PARVA: variants seen among roughly 807,000 people sequenced by gnomAD.
PARVA encodes the protein parvin alpha.
A neutral mutation model predicts 52.6 loss-of-function variants in PARVA; 25 were observed. The ratio of observed to expected loss-of-function variants is 0.48; its 90% CI spans 0.35 to 0.66. The LOEUF (loss-of-function observed/expected upper bound fraction) is 0.66. Among genes scored for constraint, PARVA ranks in the 30% least tolerant of loss-of-function variants. PARVA has a pLI of 0.01. For synonymous variants in PARVA, 185 were observed against 179.1 expected (o/e 1.03, Z -0.26); for missense variants, 373 against 450.9 (o/e 0.83, Z 1.56).
chr11:12,504,963 G>A (rs1053745867), intron 6 of PARVA, among the ~76,000 whole-genome samples: 8 of 152,140 alleles, frequency 5.3e-5, no homozygotes, highest in Admixed American at 2.0e-4. Flanking sequence ...TGTCTGTAGT[G>A]AAGGTACTGC....
chr11:12,467,936 A>G (rs942445426), intron 1 of PARVA, among the ~76,000 whole-genome samples: 20 of 152,048 alleles, frequency 1.3e-4, no homozygotes, highest in African/African-American at 4.1e-4. Flanking sequence ...CCCTGTGCAC[A>G]TTTATATTCC....
intron 1 of PARVA, among the ~76,000 whole-genome samples, chr11:12,459,188 G>A (rs1239255500): frequency 6.6e-6 from 1 of 151,738 alleles, no homozygotes; most frequent in Non-Finnish European, 1.5e-5. Context: ...GCATTTTTGG[G>A]CCCAGGGGTT....
At chr11:12,490,044 G>A (rs554186008) in intron 4 of PARVA, among the ~76,000 whole-genome samples, 65 of 151,770 alleles carry the variant, frequency 4.3e-4, no homozygotes, top group South Asian at 3.6e-3. Context: ...GTGAAACCCC[G>A]TCTCTATGAA....
intron 3 of PARVA, among the ~76,000 whole-genome samples, 177 bp from the exon 4 acceptor site, chr11:12,477,670 C>T (rs1941033386): frequency 6.6e-6 from 1 of 152,160 alleles, no homozygotes; most frequent in African/African-American, 2.4e-5. Flanking sequence ...ATCACTTGAG[C>T]CCAGGAGTTT....
At chr11:12,393,076 A>G (rs1939685371) in intron 1 of PARVA, among the ~76,000 whole-genome samples, 1 of 151,804 alleles carries the variant, frequency 6.6e-6, no homozygotes, top group Non-Finnish European at 1.5e-5. Flanking sequence ...AAGAAAGAAA[A>G]AAAATACCAG....
rs140264458 is a variant in PARVA, at chr11:12,523,803, G to A, written c.1043-4046G>A. On this transcript the variant is annotated intron_variant, in intron 12 of 12. Coordinates refer to ENST00000334956, the MANE Select transcript of PARVA (RefSeq NM_018222.5). Reference sequence around the variant, plus strand: ...CTGGGCCAGCACACAGAGGCTATCAGAACTGAACTGAGTTGCTAATCACAC... The same window carrying A: ...CTGGGCCAGCACACAGAGGCTATCAAAACTGAACTGAGTTGCTAATCACAC... Among the ~76,000 whole-genome samples the A allele has an allele frequency of 9.5e-4, 144 of 152,310 alleles. 3 individuals carry two copies. The East Asian group carries it at 0.025, about 27-fold the overall frequency.
At position 12,530,303 on chromosome 11, in the gene PARVA, A is replaced by C. The variant is rs932051925; in HGVS notation, c.*2378A>C. 1.1e-4 allele frequency: 17 copies of C among 152,172 alleles called. No individual in the cohort carries two copies. Among genetic ancestry groups the C allele is most frequent in the African/African-American group, 4.1e-4 (17 of 41,432 alleles). The allele number at this position is 152,172 out of a possible 1,614,324, so 9.4% of individuals were successfully genotyped here. A position where few individuals can be genotyped will look rare whatever the true frequency, so the allele number is the denominator to read the frequency against. On this transcript the variant is annotated 3_prime_UTR_variant, in exon 13 of 13. Transcript: ENST00000334956. The stretch of plus-strand genomic sequence containing the variant: ...TCGATATTTTACTTTAGAACCTGGA[A>C]TCTCCTACTTAATATATGACCATGA...
intron 1 of PARVA, among the ~76,000 whole-genome samples, chr11:12,392,265 CCT>C: frequency 6.8e-6 from 1 of 146,296 alleles, no homozygotes; most frequent in East Asian, 2.0e-4. Context: ...GTACTTCATT[CCT>C]TTTTTTTTTT....
chr11:12,522,403 C>G (rs1941647621), intron 12 of PARVA, among the ~76,000 whole-genome samples: 1 of 146,090 alleles, frequency 6.8e-6, no homozygotes, highest in African/African-American at 2.5e-5. Context: ...AGGTAGACAA[C>G]AAATCAAGAG....
chr11:12,431,591 A>G (rs1290242478), intron 1 of PARVA, among the ~76,000 whole-genome samples: 2 of 152,170 alleles, frequency 1.3e-5, no homozygotes, highest in African/African-American at 2.4e-5. Flanking sequence ...GGTCTTTTAA[A>G]TGGGTTAAAG....
At chr11:12,514,210 T>C (rs1941540112) in intron 10 of PARVA, 145 bp downstream of exon 10, 1 of 623,392 alleles carries the variant, frequency 1.6e-6, no homozygotes, top group Non-Finnish European at 2.9e-6. Flanking sequence ...AGGGGTGGAC[T>C]GAGTCTCTGT....
At chr11:12,464,741 C>T (rs1011176852) in intron 1 of PARVA, among the ~76,000 whole-genome samples, 5 of 152,190 alleles carry the variant, frequency 3.3e-5, no homozygotes, top group Admixed American at 3.3e-4. Context: ...GCCTCTGAAA[C>T]TCATGTTCAA....
At chr11:12,483,706 G>A (rs528299379) in intron 4 of PARVA, among the ~76,000 whole-genome samples, 5 of 152,326 alleles carry the variant, frequency 3.3e-5, no homozygotes, top group South Asian at 2.1e-4. Flanking sequence ...AAGGGGCATC[G>A]CTGTCATCCA....
intron 4 of PARVA, chr11:12,479,170 G>A: frequency 6.6e-6 from 1 of 152,132 alleles, no homozygotes. Flanking sequence ...CTTTGATCAT[G>A]CTAGTCCTTC....
chr11:12,426,566 T>C (rs1940238085), intron 1 of PARVA, among the ~76,000 whole-genome samples: 1 of 152,228 alleles, frequency 6.6e-6, no homozygotes, highest in Non-Finnish European at 1.5e-5. Context: ...TATTCTCTCA[T>C]TTAATACTGA....
At chr11:12,482,046 C>T (rs1034922371) in intron 4 of PARVA, among the ~76,000 whole-genome samples, 3 of 151,086 alleles carry the variant, frequency 2.0e-5, no homozygotes, top group Non-Finnish European at 1.5e-5. Context: ...GTGCATGCTA[C>T]TTGCGAGGCT....
intron 12 of PARVA, among the ~76,000 whole-genome samples, chr11:12,522,779 G>A (rs1023390831): frequency 2.0e-5 from 2 of 98,564 alleles, no homozygotes; most frequent in Non-Finnish European, 4.4e-5. Context: ...CTATACCTCA[G>A]TAAAACTGTT....
intron 1 of PARVA, among the ~76,000 whole-genome samples, chr11:12,463,697 G>A (rs1045656799): frequency 6.6e-6 from 1 of 152,170 alleles, no homozygotes; most frequent in East Asian, 1.9e-4. Flanking sequence ...CACATAAAGA[G>A]TGGGGAGTTA....
intron 1 of PARVA, among the ~76,000 whole-genome samples, chr11:12,438,315 G>A (rs564469722): frequency 5.3e-5 from 8 of 151,710 alleles, no homozygotes; most frequent in Non-Finnish European, 1.0e-4. Context: ...TCATGGTTGT[G>A]GAGGCTAGGA....
Sources: allele counts gnomAD v4.1 joint callset (sites outside exome capture counted in the v4.1 genomes callset), GRCh38; gene constraint gnomAD v4.1.1; transcripts MANE v1.5; gene names NCBI Gene and HGNC (gene_info 2026-07-23, HGNC 2026-07-21).